Variants in GCKR observed in about 807,000 individuals in gnomAD.
GCKR encodes glucokinase regulatory protein.
A neutral mutation model predicts 82.9 loss-of-function variants in GCKR; 73 were observed. That is an observed-to-expected ratio of 0.88 (90% CI 0.73 to 1.07). The LOEUF is 1.07. Ranked by LOEUF, GCKR falls within the 50% of genes least tolerant of loss-of-function variation. The pLI is 0.00. For synonymous variants in GCKR, 294 were observed against 291.8 expected (o/e 1.01, Z -0.08); for missense variants, 784 against 782.1 (o/e 1.00, Z -0.03).
chr2:27,501,337 T>A lies in GCKR; in HGVS notation c.644+108T>A, dbSNP rs8179209. ...AGAACAGATAGTCTTGTTCACCAAA[T>A]CTCAGAATATTAAAGTAAATATGGG... On this transcript the variant is annotated intron_variant, in intron 8 of 18. Transcript: ENST00000264717. 1.4e-5 allele frequency: 11 copies of A among 794,682 alleles called. No individual in the cohort carries two copies. In the East Asian group the frequency reaches 2.5e-4, roughly 18 times the overall value. The allele number at this position is 794,682 out of a possible 1,614,324, so 49.2% of individuals were successfully genotyped here.
intron 9 of GCKR, among the ~76,000 whole-genome samples, chr2:27,505,452 C>G (rs1296184999): frequency 6.7e-6 from 1 of 150,134 alleles, no homozygotes; most frequent in Non-Finnish European, 1.5e-5. Context: ...AAGAAAAGCA[C>G]TCTGAAAAAC....
chr2:27,501,023 T>C, intron 7 of GCKR, 112 bp from the exon 8 acceptor site: 1 of 837,268 alleles, frequency 1.2e-6, no homozygotes, highest in Non-Finnish European at 2.1e-6. Context: ...TAACTGTACC[T>C]GGGAATCTGC....
rs747508061 is a variant in GCKR at position 27,507,226 on chromosome 2, A to G, written c.1067-9A>G. The G allele has an allele frequency of 1.9e-6, 3 of 1,597,128 alleles. No homozygotes were observed. The highest frequency in any genetic ancestry group is 3.3e-5 in the Admixed American group (2 of 59,970). On this transcript the variant is annotated splice_polypyrimidine_tract_variant and intron_variant, in intron 12 of 18. Coordinates refer to ENST00000264717, the MANE Select transcript of GCKR (RefSeq NM_001486.4). ...ATCACTCCTCTCTCCTTGTTCTTAA[A>G]CTTCCCAGATTTCCGAGATGTCCGT...
Position 27,505,805 on chromosome 2 carries a change from A to G in GCKR, c.838A>G (p.Thr280Ala). The G allele has an allele frequency of 6.3e-7, 1 of 1,597,808 alleles. No homozygotes were observed. The highest frequency in any genetic ancestry group is 8.6e-7 in the Non-Finnish European group (1 of 1,165,190). ...AACCCTGTTATTAGCAGCCCATAAG[A>G]CTGTGGACCAGGGCATTGCAGCATC... ...LETLLLAAHK[T>A]VDQGIAASQR... The change falls in exon 10 of 19, where the codon ACT becomes GCT. Residue 280 changes from threonine to alanine, a missense_variant. Thr to Ala is a moderately conservative substitution (Grantham distance 58, BLOSUM62 0). Transcript: ENST00000264717.
intron 16 of GCKR, among the ~76,000 whole-genome samples, chr2:27,512,981 T>G (rs1178733689): frequency 6.6e-6 from 1 of 152,220 alleles, no homozygotes; most frequent in Non-Finnish European, 1.5e-5. Flanking sequence ...AGTTGTGCCC[T>G]TATCAGTGTA....
At chr2:27,520,837 A>C (rs1572876366) in intron 17 of GCKR, among the ~76,000 whole-genome samples, 1 of 151,978 alleles carries the variant, frequency 6.6e-6, no homozygotes, top group East Asian at 1.9e-4. Flanking sequence ...GGAGTTCGAG[A>C]CCAGCCTGGC....
chr2:27,511,112 C>T (rs553718810), intron 16 of GCKR, among the ~76,000 whole-genome samples: 94 of 152,232 alleles, frequency 6.2e-4, no homozygotes, highest in African/African-American at 2.1e-3. Flanking sequence ...ATTGCAACCT[C>T]TGCCTCCCGG....
At chr2:27,517,972 T>C (rs1670050064) in intron 16 of GCKR, among the ~76,000 whole-genome samples, 1 of 152,216 alleles carries the variant, frequency 6.6e-6, no homozygotes, top group South Asian at 2.1e-4. Context: ...AGTTTCCTCA[T>C]ATGTAGAAAT....
intron 13 of GCKR, 185 bp downstream of exon 13, chr2:27,507,496 C>G: frequency 1.5e-6 from 1 of 680,954 alleles, no homozygotes; most frequent in Non-Finnish European, 2.6e-6. Context: ...AGATCCAGTC[C>G]CCAAACTTGG....
intron 10 of GCKR, 48 bp downstream of exon 10, chr2:27,505,884 G>A (rs765723612): frequency 7.0e-6 from 7 of 999,838 alleles, no homozygotes; most frequent in Non-Finnish European, 1.1e-5. Flanking sequence ...GCGAGTGTGA[G>A]ATGGTGTGGA....
intron 16 of GCKR, among the ~76,000 whole-genome samples, chr2:27,518,342 G>T (rs764157530): frequency 4.6e-5 from 7 of 152,188 alleles, no homozygotes; most frequent in Non-Finnish European, 8.8e-5. Context: ...CACTGTGCCC[G>T]GCCTCAACAA....
At chr2:27,508,299 G>A (rs1179943985) in intron 16 of GCKR, 48 bp downstream of exon 16, 1 of 1,211,434 alleles carries the variant, frequency 8.3e-7, no homozygotes, top group East Asian at 2.3e-5. Flanking sequence ...CTCAGAGGGT[G>A]AGGGATTCCA....
At position 27,522,563 on chromosome 2, in the gene GCKR, G is replaced by T. The variant is rs770021551; in HGVS notation, c.1676G>T (p.Cys559Phe). The change falls in exon 18 of 19, where the codon TGC (cysteine) becomes TTC (phenylalanine). Residue 559 changes from cysteine (C) to phenylalanine (F), a missense_variant. Coordinates refer to ENST00000264717, the MANE Select transcript of GCKR (RefSeq NM_001486.4). ...GATATTCGGGCTGCTCCCATCTCCT[G>T]CCATGTCCAGGTTGCACATGAGAAG... ...SDDIRAAPISCHVQVAHEKEQ... is the reference protein window; with the variant it reads ...SDDIRAAPISFHVQVAHEKEQ... The T allele has an allele frequency of 6.2e-7, 1 of 1,614,010 alleles. No homozygotes were observed. Among genetic ancestry groups the T allele is most frequent in the Middle Eastern group, 1.6e-4 (1 of 6,062 alleles).
chr2:27,518,264 G>A (rs1271493474), intron 16 of GCKR, among the ~76,000 whole-genome samples: 2 of 152,168 alleles, frequency 1.3e-5, no homozygotes, highest in Non-Finnish European at 2.9e-5. Flanking sequence ...TAGGCTTGTT[G>A]AGAACTCCTG....
rs1250017994 is a variant in GCKR, at chr2:27,508,852, T to C, written c.1422+601T>C. 2.0e-5 allele frequency among the ~76,000 whole-genome samples: 3 copies of C among 149,834 alleles called. No homozygotes were observed. In the East Asian group the frequency reaches 5.9e-4, roughly 29 times the overall value. ...CTTGATACCAAAGTCATCATCATTA[T>C]CCAAAAGCTTTTACCACACCTTTTT... On this transcript the variant is annotated intron_variant, in intron 16 of 18. Coordinates refer to ENST00000264717, the MANE Select transcript of GCKR (RefSeq NM_001486.4).
At chr2:27,502,962 A>G (rs1015779332) in intron 8 of GCKR, among the ~76,000 whole-genome samples, 1 of 152,214 alleles carries the variant, frequency 6.6e-6, no homozygotes, top group Admixed American at 6.5e-5. Context: ...TTGCCTCATG[A>G]ACACATTTAT....
At chr2:27,507,443 A>C in intron 13 of GCKR, 132 bp downstream of exon 13, 1 of 766,740 alleles carries the variant, frequency 1.3e-6, no homozygotes, top group Non-Finnish European at 2.3e-6. Flanking sequence ...ATGGGTCAGA[A>C]GTCATGAGGC....
At chr2:27,503,303 C>T (rs1453325796) in intron 8 of GCKR, among the ~76,000 whole-genome samples, 2 of 152,196 alleles carry the variant, frequency 1.3e-5, no homozygotes, top group African/African-American at 4.8e-5. Context: ...GTTGGCTTTG[C>T]TCTGGGCTTG....
intron 16 of GCKR, among the ~76,000 whole-genome samples, chr2:27,510,993 T>C (rs1251938141): frequency 6.6e-6 from 1 of 152,128 alleles, no homozygotes; most frequent in Non-Finnish European, 1.5e-5. Flanking sequence ...TTTTCCTTTG[T>C]GTTTTTTGCC....
Sources: gnomAD v4.1 joint callset for allele counts (sites outside exome capture counted in the v4.1 genomes callset) on GRCh38, gnomAD v4.1.1 for gene constraint, MANE v1.5 for transcripts, NCBI Gene and HGNC (gene_info 2026-07-23, HGNC 2026-07-21) for gene names.